The following NECTIN3 variants were observed in gnomAD, a reference collection of about 807,000 sequenced individuals.
The protein encoded by NECTIN3 is nectin-3.
A neutral mutation model predicts 49.4 loss-of-function variants in NECTIN3; 8 were observed. That is an observed-to-expected ratio of 0.16 (90% CI 0.10 to 0.29). The LOEUF (loss-of-function observed/expected upper bound fraction) is 0.29. Among genes scored for constraint, NECTIN3 ranks in the 10% least tolerant of loss-of-function variants. The pLI, the probability that NECTIN3 is intolerant of heterozygous loss-of-function variation, is 1.00. For synonymous variants in NECTIN3, 277 were observed against 241.1 expected (o/e 1.15, Z -1.38); for missense variants, 581 against 654.6 (o/e 0.89, Z 1.23).
intron 7 of NECTIN3, among the ~76,000 whole-genome samples, chr3:111,184,687 A>G (rs148179637): frequency 2.4e-3 from 363 of 152,280 alleles, no homozygotes; most frequent in African/African-American, 8.3e-3. Flanking sequence ...TTGTTCTATC[A>G]TGGTCAGTAC....
At chr3:111,126,448 G>A (rs2034166657) in intron 5 of NECTIN3, 113 bp downstream of exon 5, 1 of 922,704 alleles carries the variant, frequency 1.1e-6, no homozygotes, top group Non-Finnish European at 1.6e-6. Context: ...ATTCCTCAGT[G>A]TGAAGTTTTT....
At chr3:111,155,229 G>A (rs959354884) in intron 7 of NECTIN3, among the ~76,000 whole-genome samples, 2 of 152,272 alleles carry the variant, frequency 1.3e-5, no homozygotes, top group African/African-American at 2.4e-5. Flanking sequence ...GAGCCGCCAC[G>A]CCCAGCCAAC....
At chr3:111,119,092 C>T (rs1337514088) in intron 3 of NECTIN3, 140 bp downstream of exon 3, 2 of 822,124 alleles carry the variant, frequency 2.4e-6, no homozygotes, top group Non-Finnish European at 3.6e-6. Context: ...TTCATTTAAC[C>T]AGAACATTTT....
In NECTIN3 at chr3:111,122,273, A is replaced by T; in HGVS notation, c.917+35A>T. On this transcript the variant is annotated intron_variant, in intron 4 of 5. Coordinates refer to ENST00000485303, the MANE Select transcript of NECTIN3 (RefSeq NM_015480.3). ...TATACTTCGAAAGAGAAATTATCTA[A>T]AAGTGAAACCTTCTTAAATCCCCAT... The T allele has an allele frequency of 2.0e-6, 3 of 1,465,886 alleles. 1 individual carries two copies. The South Asian group carries it at 3.5e-5, about 17-fold the overall frequency. The allele number at this position is 1,465,886 out of a possible 1,614,324, so 90.8% of individuals were successfully genotyped here.
At chr3:111,154,520 A>T (rs2035061172) in intron 7 of NECTIN3, among the ~76,000 whole-genome samples, 1 of 152,166 alleles carries the variant, frequency 6.6e-6, no homozygotes, top group Non-Finnish European at 1.5e-5. Flanking sequence ...AACACCTAGG[A>T]GTAGAATGAA....
intron 1 of NECTIN3, among the ~76,000 whole-genome samples, chr3:111,100,378 A>G (rs973663748): frequency 1.1e-4 from 17 of 152,264 alleles, no homozygotes; most frequent in Middle Eastern, 6.8e-3. Context: ...TTGTTCTCTG[A>G]TGGTTCAGTG....
At chr3:111,188,954 C>T (rs1385696857), upstream of NECTIN3, among the ~76,000 whole-genome samples, 1 of 152,288 alleles carries the variant, frequency 6.6e-6, no homozygotes, top group South Asian at 2.1e-4. Context: ...GAATATGCTC[C>T]CTTTCAGTGT....
intron 1 of NECTIN3, among the ~76,000 whole-genome samples, chr3:111,093,607 TG>T (rs1409613231): frequency 1.3e-5 from 2 of 152,032 alleles, no homozygotes; most frequent in Non-Finnish European, 2.9e-5. Context: ...GATAATTTTT[TG>T]TATTTTTAGT....
intron 7 of NECTIN3, among the ~76,000 whole-genome samples, chr3:111,178,139 T>G (rs2107530540): frequency 6.6e-6 from 1 of 152,332 alleles, no homozygotes; most frequent in Non-Finnish European, 1.5e-5. Flanking sequence ...AACACTGCCT[T>G]CCTTTTGGTT....
intron 7 of NECTIN3, among the ~76,000 whole-genome samples, chr3:111,170,120 T>C (rs2035405336): frequency 6.6e-6 from 1 of 152,220 alleles, no homozygotes; most frequent in Non-Finnish European, 1.5e-5. Context: ...ACTTTTATTC[T>C]TCCTTCCCAT....
chr3:111,165,590 T>G (rs575656273), intron 7 of NECTIN3, among the ~76,000 whole-genome samples: 1 of 152,276 alleles, frequency 6.6e-6, no homozygotes, highest in African/African-American at 2.4e-5. Context: ...ATTGACAGAC[T>G]AGCCATTGAC....
chr3:111,130,031 C>T (rs1301044192), intron 5 of NECTIN3, among the ~76,000 whole-genome samples: 2 of 150,478 alleles, frequency 1.3e-5, no homozygotes, highest in East Asian at 4.0e-4. Flanking sequence ...TCTTGGCTCA[C>T]TGCAGGCTCC....
At chr3:111,188,256 A>G (rs1026861279), upstream of NECTIN3, among the ~76,000 whole-genome samples, 3 of 152,226 alleles carry the variant, frequency 2.0e-5, no homozygotes, top group African/African-American at 7.2e-5. Flanking sequence ...ATAGCCACAC[A>G]GTGCAGAAAC....
intron 7 of NECTIN3, among the ~76,000 whole-genome samples, chr3:111,176,367 T>A (rs2035528425): frequency 6.6e-6 from 1 of 152,222 alleles, no homozygotes. Context: ...TGAACTTTCA[T>A]TCTAATCACT....
intron 7 of NECTIN3, among the ~76,000 whole-genome samples, chr3:111,159,212 G>A (rs1048578035): frequency 6.6e-6 from 1 of 151,560 alleles, no homozygotes; most frequent in Non-Finnish European, 1.5e-5. Context: ...ATATTTTATT[G>A]TTTTCTATTC....
intron 7 of NECTIN3, among the ~76,000 whole-genome samples, chr3:111,153,091 A>G (rs1169717382): frequency 6.6e-6 from 1 of 151,902 alleles, no homozygotes; most frequent in African/African-American, 2.4e-5. Flanking sequence ...AATTATAGAG[A>G]AGTATATGAC....
At chr3:111,100,102 C>T (rs922031116) in intron 1 of NECTIN3, among the ~76,000 whole-genome samples, 17 of 152,144 alleles carry the variant, frequency 1.1e-4, no homozygotes, top group East Asian at 7.7e-4. Context: ...CTTAGAAGTA[C>T]GTGTGTTACT....
intron 5 of NECTIN3, among the ~76,000 whole-genome samples, chr3:111,130,309 A>G (rs1168765359): frequency 6.6e-6 from 1 of 150,776 alleles, no homozygotes; most frequent in Non-Finnish European, 1.5e-5. Flanking sequence ...TTTTCTATCC[A>G]GAGTCTGTAA....
rs556455117 is a variant in NECTIN3, at chr3:111,090,678, C to G, written c.160+18501C>G. On this transcript the variant is annotated intron_variant, in intron 1 of 5. Transcript: ENST00000485303. ...ATATGTGTTTACCCTTTCTGTAGTTCGTTTTTTCATGGCATCTTAAAGTTT... is the reference window on the plus strand; with the variant it reads ...ATATGTGTTTACCCTTTCTGTAGTTGGTTTTTTCATGGCATCTTAAAGTTT... 5.3e-5 allele frequency among the ~76,000 whole-genome samples: 5 copies of G among 93,654 alleles called. No homozygotes were observed. The East Asian group carries it at 2.0e-3, about 37-fold the overall frequency. The allele number at this position is 93,654 out of a possible 152,430, so 61.4% of individuals were successfully genotyped here.
Sources: gnomAD v4.1 joint callset for allele counts (sites outside exome capture counted in the v4.1 genomes callset) on GRCh38, gnomAD v4.1.1 for gene constraint, MANE v1.5 for transcripts, NCBI Gene and HGNC (gene_info 2026-07-23, HGNC 2026-07-21) for gene names.